The following MIPOL1 variants were observed in gnomAD, a reference collection of about 807,000 sequenced individuals.
The protein encoded by MIPOL1 is mirror-image polydactyly gene 1 protein.
MIPOL1 carries 57 observed loss-of-function variants against 60.9 expected under a neutral mutation model. The observed-to-expected ratio is 0.94, with a 90% CI of 0.76 to 1.17. MIPOL1 has a LOEUF of 1.17. MIPOL1 is among the 50% of genes most tolerant of loss of function. The probability of loss-of-function intolerance (pLI) is 0.00; values close to 1 mark genes in which losing one functional copy is unlikely to be tolerated. For missense variants in MIPOL1, 551 were observed against 511.6 expected, an observed-to-expected ratio of 1.08 and a Z score of -0.74; for synonymous variants, 179 against 168.8, an observed-to-expected ratio of 1.06 and a Z score of -0.47.
At chr14:37,470,391 G>T (rs759558704) in intron 11 of MIPOL1, among the ~76,000 whole-genome samples, 3 of 152,058 alleles carry the variant, frequency 2.0e-5, no homozygotes, top group Non-Finnish European at 2.9e-5. Flanking sequence ...GGGGCCTGGC[G>T]GGAGGTGATT....
chr14:37,357,254 C>A (rs2091909883), intron 9 of MIPOL1, among the ~76,000 whole-genome samples: 1 of 152,148 alleles, frequency 6.6e-6, no homozygotes, highest in Non-Finnish European at 1.5e-5. Flanking sequence ...GTATTTTCTC[C>A]CATATTGTCT....
intron 7 of MIPOL1, among the ~76,000 whole-genome samples, chr14:37,297,489 G>C (rs1366477561): frequency 2.0e-5 from 3 of 152,034 alleles, no homozygotes; most frequent in African/African-American, 7.2e-5. Flanking sequence ...AAAGGGCATT[G>C]AATTAGGAAA....
intron 11 of MIPOL1, 69 bp downstream of exon 11, chr14:37,423,018 C>T (rs2093902932): frequency 5.2e-6 from 5 of 957,894 alleles, no homozygotes; most frequent in Non-Finnish European, 8.1e-6. Flanking sequence ...CCTGATTTTA[C>T]AATAGTGAAT....
intron 11 of MIPOL1, among the ~76,000 whole-genome samples, chr14:37,476,190 G>T (rs1401228155): frequency 1.3e-5 from 2 of 152,084 alleles, no homozygotes; most frequent in East Asian, 1.9e-4. Context: ...ATTGTTCATT[G>T]TTGCTATATA....
intron 9 of MIPOL1, among the ~76,000 whole-genome samples, chr14:37,336,993 C>A (rs748836605): frequency 1.3e-5 from 2 of 151,954 alleles, no homozygotes; most frequent in African/African-American, 4.8e-5. Context: ...AAACTCCTGA[C>A]CTCAAGTTAT....
intron 9 of MIPOL1, among the ~76,000 whole-genome samples, chr14:37,326,922 T>C (rs1426837126): frequency 6.6e-6 from 1 of 152,128 alleles, no homozygotes; most frequent in Non-Finnish European, 1.5e-5. Context: ...ATAATCTTGG[T>C]AATTAATATA....
At chr14:37,355,917 A>G (rs2153477987) in intron 9 of MIPOL1, among the ~76,000 whole-genome samples, 1 of 147,574 alleles carries the variant, frequency 6.8e-6, no homozygotes, top group Non-Finnish European at 1.5e-5. Flanking sequence ...CGTCAAAGTC[A>G]TTCTCCATCC....
intron 9 of MIPOL1, among the ~76,000 whole-genome samples, chr14:37,362,148 C>A (rs182736415): frequency 6.5e-4 from 99 of 152,228 alleles, no homozygotes; most frequent in Non-Finnish European, 1.2e-3. Context: ...ATGATCCTGT[C>A]ATTATGATGT....
Position 37,227,084 on chromosome 14 carries a change from T to TA in MIPOL1, c.-198-20013dup, listed in dbSNP as rs567805923. ...TTTCCTACTGCTGCTGTAACAGCTG[T>TA]AAAAAATCACTAATTGGGTGGCTTA... On this transcript the variant is annotated intron_variant, in intron 1 of 12. Coordinates refer to ENST00000684589, the MANE Select transcript of MIPOL1 (RefSeq NM_001388067.1). Among the ~76,000 whole-genome samples, 12 of 152,310 alleles carry TA rather than the reference T, an allele frequency of 7.9e-5. No homozygotes were observed. The East Asian group carries it at 1.4e-3, about 17-fold the overall frequency.
chr14:37,285,568 G>A, intron 7 of MIPOL1, 121 bp downstream of exon 7: 1 of 924,376 alleles, frequency 1.1e-6, no homozygotes, highest in Non-Finnish European at 1.5e-6. Context: ...GAAATTGCAT[G>A]TCTCCAGTCT....
At chr14:37,309,103 T>TTTAC (rs1202749205) in intron 9 of MIPOL1, among the ~76,000 whole-genome samples, 4 of 10,718 alleles carry the variant, frequency 3.7e-4, no homozygotes, top group African/African-American at 1.9e-3. Flanking sequence ...TTCTTGTTAT[T>TTTAC]TTATTTATTT....
intron 3 of MIPOL1, among the ~76,000 whole-genome samples, chr14:37,260,970 A>T (rs1200218978): frequency 1.3e-5 from 2 of 151,978 alleles, no homozygotes; most frequent in African/African-American, 4.8e-5. Context: ...CTGCCATGGG[A>T]TTGAATTTAC....
intron 9 of MIPOL1, among the ~76,000 whole-genome samples, chr14:37,340,949 T>C (rs1306593384): frequency 6.6e-6 from 1 of 152,192 alleles, no homozygotes; most frequent in African/African-American, 2.4e-5. Context: ...ATACCTTTTC[T>C]ATGTTTAGAT....
At chr14:37,209,750 C>T (rs968348073) in intron 1 of MIPOL1, among the ~76,000 whole-genome samples, 1 of 152,160 alleles carries the variant, frequency 6.6e-6, no homozygotes, top group African/African-American at 2.4e-5. Flanking sequence ...GTTGCCCAGG[C>T]TGGAGTACAG....
intron 9 of MIPOL1, among the ~76,000 whole-genome samples, chr14:37,323,109 G>A (rs2088783796): frequency 6.6e-6 from 1 of 152,012 alleles, no homozygotes; most frequent in Admixed American, 6.6e-5. Context: ...ATGGTTTTAG[G>A]TCTTATGTTT....
chr14:37,416,496 C>T (rs1023649465), intron 10 of MIPOL1, among the ~76,000 whole-genome samples: 6 of 152,110 alleles, frequency 3.9e-5, no homozygotes, highest in African/African-American at 1.4e-4. Context: ...ACAACATGTT[C>T]AGCTGTGACA....
chr14:37,267,863 G>A (rs551948704), intron 4 of MIPOL1, among the ~76,000 whole-genome samples: 19 of 152,236 alleles, frequency 1.2e-4, no homozygotes, highest in Non-Finnish European at 2.6e-4. Flanking sequence ...TTGGGTTAGC[G>A]CTATTTTTCA....
chr14:37,337,015 T>C (rs185455911), intron 9 of MIPOL1, among the ~76,000 whole-genome samples: 20 of 152,020 alleles, frequency 1.3e-4, no homozygotes, highest in African/African-American at 4.3e-4. Flanking sequence ...TGCCTGCTTC[T>C]GCCTCTGTAA....
At chr14:37,495,131 T>A (rs1278183537) in intron 11 of MIPOL1, among the ~76,000 whole-genome samples, 9 of 131,426 alleles carry the variant, frequency 6.8e-5, no homozygotes, top group African/African-American at 2.1e-4. Flanking sequence ...TTTTTTTTTT[T>A]AATATTTTTT....
Sources: gnomAD v4.1 joint callset for allele counts (sites outside exome capture counted in the v4.1 genomes callset) on GRCh38, gnomAD v4.1.1 for gene constraint, MANE v1.5 for transcripts, NCBI Gene and HGNC (gene_info 2026-07-23, HGNC 2026-07-21) for gene names.